Variants in UNC80 observed in about 807,000 individuals in gnomAD.
UNC80 encodes the protein protein unc-80 homolog.
In UNC80, 164 loss-of-function variants were observed where a neutral mutation model predicts 384.6. That is an observed-to-expected ratio of 0.43 (90% CI 0.38 to 0.49). The LOEUF is 0.49. UNC80 is among the 20% of genes least tolerant of loss of function. UNC80 has a pLI of 0.00. For missense variants in UNC80, 3,330 were observed against 4,143.0 expected (o/e 0.80, Z 5.39); for synonymous variants, 1,486 against 1,527.8 (o/e 0.97, Z 0.64).
chr2:209,829,198 T>C, intron 14 of UNC80, 34 bp from the exon 15 acceptor site: 22 of 1,549,960 alleles, frequency 1.4e-5, no homozygotes, highest in Non-Finnish European at 1.9e-5. Context: ...AAGCTGGTAC[T>C]TGTGACTTTT....
chr2:209,777,170 A>G, intron 3 of UNC80, 88 bp from the exon 4 acceptor site: 1 of 1,380,914 alleles, frequency 7.2e-7, no homozygotes, highest in Non-Finnish European at 9.8e-7. Flanking sequence ...TAGAGAAAGG[A>G]GGGATATTCT....
intron 22 of UNC80, among the ~76,000 whole-genome samples, chr2:209,864,514 C>T (rs2083571603): frequency 1.3e-5 from 2 of 152,270 alleles, no homozygotes; most frequent in South Asian, 4.1e-4. Context: ...TCCCCAGGGT[C>T]TCAGGCCCAG....
chr2:209,941,137 G>A (rs1429951383), intron 43 of UNC80, 84 bp from the exon 44 acceptor site: 4 of 1,406,254 alleles, frequency 2.8e-6, no homozygotes, highest in Middle Eastern at 3.7e-4. Flanking sequence ...ACGGAGAACA[G>A]CAGCGCCTTG....
intron 22 of UNC80, 63 bp downstream of exon 22, chr2:209,849,686 T>C: frequency 1.4e-6 from 2 of 1,464,424 alleles, no homozygotes; most frequent in Admixed American, 4.4e-5. Flanking sequence ...TTAACAGAGG[T>C]AAGCATGATT....
intron 25 of UNC80, among the ~76,000 whole-genome samples, chr2:209,887,817 G>T (rs967340268): frequency 2.0e-5 from 3 of 152,200 alleles, no homozygotes; most frequent in African/African-American, 4.8e-5. Flanking sequence ...GAGTTAGAAG[G>T]TAAGGAAGAT....
At chr2:209,829,400 G>T (rs1436739413) in intron 15 of UNC80, 21 bp downstream of exon 15, 1 of 1,550,550 alleles carries the variant, frequency 6.4e-7, no homozygotes, top group Non-Finnish European at 8.7e-7. Flanking sequence ...CTGCACCCAA[G>T]TTCTAGGAGA....
chr2:209,938,063 A>G (rs2091369214), intron 42 of UNC80, among the ~76,000 whole-genome samples: 1 of 152,204 alleles, frequency 6.6e-6, no homozygotes, highest in African/African-American at 2.4e-5. Flanking sequence ...ACTAAAGTTC[A>G]AAGATTTGGA....
chr2:209,904,081 A>G (rs1196899985), intron 28 of UNC80, among the ~76,000 whole-genome samples: 1 of 152,210 alleles, frequency 6.6e-6, no homozygotes, highest in East Asian at 1.9e-4. Context: ...TCCTTATCTT[A>G]AAATAACCAT....
At chr2:209,856,978 A>G (rs2082982395) in intron 22 of UNC80, among the ~76,000 whole-genome samples, 2 of 151,640 alleles carry the variant, frequency 1.3e-5, no homozygotes, top group African/African-American at 4.8e-5. Context: ...TTAGTAGAGA[A>G]GGGGTTTCAC....
In UNC80 at chr2:209,933,977, G is replaced by C; in HGVS notation, c.6150G>C (p.Val2050=). The C allele has an allele frequency of 6.5e-7, 1 of 1,549,098 alleles. No individual in the cohort carries two copies. The highest frequency in any genetic ancestry group is 8.7e-7 in the Non-Finnish European group (1 of 1,145,986). Residue 2050 remains valine (V), a synonymous_variant, in exon 39 of 65, where the codon GTG becomes GTC. Coordinates refer to ENST00000673920, the MANE Select transcript of UNC80 (RefSeq NM_001371986.1). Reference sequence around the variant, plus strand: ...CGATGAAGAAGGAGCAGTGTGAGGTGAAGCTCCTGGTGACCGCTTCAATGC... The same window carrying C: ...CGATGAAGAAGGAGCAGTGTGAGGTCAAGCTCCTGGTGACCGCTTCAATGC... ...KQTMKKEQCE[V]KLLVTASMPG... is the part of the protein sequence containing the mutation.
rs1045895207 is a variant in UNC80, at chr2:209,905,056, G to T, written c.4782+91G>T. 25 of 1,347,618 alleles carry T rather than the reference G, an allele frequency of 1.9e-5. No individual in the cohort carries two copies. In the Admixed American group the frequency reaches 2.0e-4, roughly 11 times the overall value. The allele number at this position is 1,347,618 out of a possible 1,614,324, so 83.5% of individuals were successfully genotyped here. A position where few individuals can be genotyped will look rare whatever the true frequency, so the allele number is the denominator to read the frequency against. ...TGGAAATAAGAATTTTCAAGCAAAT[G>T]CAATTGTAACAATCAGGTCTGTGTG... On this transcript the variant is annotated intron_variant, in intron 29 of 64. Transcript: ENST00000673920.
chr2:209,794,816 A>G (rs1319985250), intron 7 of UNC80: 3 of 455,062 alleles, frequency 6.6e-6, no homozygotes, highest in Admixed American at 4.7e-5. Flanking sequence ...ACTTCCCACC[A>G]TGATTCTGAG....
chr2:209,793,664 AG>A (rs1384715337), intron 6 of UNC80, 55 bp from the exon 7 acceptor site: 1 of 1,599,058 alleles, frequency 6.3e-7, no homozygotes. Context: ...ATATAGCTAC[AG>A]GGGAAAACAA....
intron 7 of UNC80, among the ~76,000 whole-genome samples, chr2:209,810,716 C>A (rs754103974): frequency 6.6e-6 from 1 of 152,078 alleles, no homozygotes; most frequent in Non-Finnish European, 1.5e-5. Context: ...CAGAGGGTAA[C>A]GGGTGAAGAA....
intron 58 of UNC80, among the ~76,000 whole-genome samples, chr2:209,977,522 T>C (rs550031584): frequency 6.6e-6 from 1 of 152,292 alleles, no homozygotes; most frequent in African/African-American, 2.4e-5. Flanking sequence ...AAAGTCCCTG[T>C]AAAAAATGAG....
At chr2:209,851,331 A>G (rs1256309936) in intron 22 of UNC80, among the ~76,000 whole-genome samples, 1 of 152,094 alleles carries the variant, frequency 6.6e-6, no homozygotes, top group African/African-American at 2.4e-5. Flanking sequence ...CTGGTTAATA[A>G]TGAGAGCAGT....
chr2:209,784,298 C>T (rs2077305019), intron 4 of UNC80, among the ~76,000 whole-genome samples: 1 of 152,128 alleles, frequency 6.6e-6, no homozygotes. Context: ...TCTCAACAGC[C>T]TGAGTGAACC....
At chr2:209,794,502 A>G in intron 7 of UNC80, among the ~76,000 whole-genome samples, 1 of 152,240 alleles carries the variant, frequency 6.6e-6, no homozygotes, top group East Asian at 1.9e-4. Context: ...TTAAAAGGGA[A>G]CATTTTTAAG....
At chr2:209,832,861 T>G (rs1240046928) in intron 16 of UNC80, among the ~76,000 whole-genome samples, 6 of 152,244 alleles carry the variant, frequency 3.9e-5, no homozygotes, top group Admixed American at 2.6e-4. Flanking sequence ...CTGTCATTTT[T>G]GGGGTTCCCC....
Sources: gnomAD v4.1 joint callset for allele counts (sites outside exome capture counted in the v4.1 genomes callset) on GRCh38, gnomAD v4.1.1 for gene constraint, MANE v1.5 for transcripts, NCBI Gene and HGNC (gene_info 2026-07-23, HGNC 2026-07-21) for gene names.